Variants in NAALADL2 observed in about 807,000 individuals in gnomAD.
NAALADL2 encodes inactive N-acetylated-alpha-linked acidic dipeptidase-like protein 2.
Under a neutral mutation model 87.2 loss-of-function variants are expected in NAALADL2, and 76 were observed. The ratio of observed to expected loss-of-function variants is 0.87; its 90% CI spans 0.72 to 1.05. The LOEUF (loss-of-function observed/expected upper bound fraction) is 1.05, where lower values mean the gene tolerates loss of function less well. NAALADL2 is among the 50% of genes least tolerant of loss of function. The pLI is 0.00. For missense variants in NAALADL2, 1,089 were observed against 945.8 expected (o/e 1.15, Z -1.99); for synonymous variants, 354 against 331.0 (o/e 1.07, Z -0.75).
intron 2 of NAALADL2, among the ~76,000 whole-genome samples, chr3:174,568,835 A>T (rs923651909): frequency 3.3e-5 from 5 of 151,386 alleles, no homozygotes; most frequent in East Asian, 1.9e-4. Flanking sequence ...TTCTTTTTTT[A>T]AAATTATTAT....
chr3:174,836,283 C>T lies in NAALADL2; in HGVS notation c.-9+98537C>T, dbSNP rs746264101. On this transcript the variant is annotated intron_variant, in intron 3 of 3. Transcript: ENST00000434257. ...CACTTACATAGGTACCTAGATTAGT[C>T]AAATTTATAGAGATAGAGAGTAGAA... is the stretch of plus-strand genomic sequence containing the variant. Among the ~76,000 whole-genome samples the T allele has an allele frequency of 6.0e-4, 91 of 151,946 alleles. 1 individual carries two copies. Among genetic ancestry groups the T allele is most frequent in the Non-Finnish European group, 1.5e-4 (10 of 68,006 alleles).
intron 5 of NAALADL2, among the ~76,000 whole-genome samples, chr3:175,356,402 C>T (rs1170337646): frequency 6.6e-6 from 1 of 151,724 alleles, no homozygotes. Context: ...AGTGAGACCT[C>T]ATTTCTACAA....
intron 3 of NAALADL2, among the ~76,000 whole-genome samples, chr3:175,252,016 T>C (rs1188209370): frequency 6.6e-6 from 1 of 152,174 alleles, no homozygotes; most frequent in Non-Finnish European, 1.5e-5. Flanking sequence ...AGAAGATGAG[T>C]TGAAGAGCTA....
At chr3:175,472,832 C>A (rs1037727396) in intron 9 of NAALADL2, among the ~76,000 whole-genome samples, 6 of 152,120 alleles carry the variant, frequency 3.9e-5, no homozygotes, top group Non-Finnish European at 8.8e-5. Context: ...AAGTTAATTT[C>A]TCCTGCTCTG....
chr3:174,758,734 C>A (rs1712475318), intron 3 of NAALADL2, among the ~76,000 whole-genome samples: 1 of 152,168 alleles, frequency 6.6e-6, no homozygotes, highest in South Asian at 2.1e-4. Flanking sequence ...GGAGATGTAC[C>A]AGTTTGTTGA....
At chr3:175,323,487 A>G (rs1055120981) in intron 4 of NAALADL2, among the ~76,000 whole-genome samples, 8 of 151,956 alleles carry the variant, frequency 5.3e-5, no homozygotes, top group African/African-American at 1.9e-4. Context: ...TTAAAGTATA[A>G]TAATAATAAA....
At chr3:175,213,255 A>G (rs1200984402) in intron 2 of NAALADL2, among the ~76,000 whole-genome samples, 1 of 152,068 alleles carries the variant, frequency 6.6e-6, no homozygotes, top group African/African-American at 2.4e-5. Context: ...TCAGATTAGC[A>G]ATGAAAATAG....
intron 2 of NAALADL2, among the ~76,000 whole-genome samples, chr3:175,134,439 G>T (rs962782993): frequency 6.6e-6 from 1 of 151,140 alleles, no homozygotes; most frequent in South Asian, 2.1e-4. Context: ...TTTTGGGGGG[G>T]TCCTTTTTCA....
intron 2 of NAALADL2, among the ~76,000 whole-genome samples, chr3:175,227,093 A>G (rs192682637): frequency 2.6e-5 from 4 of 152,166 alleles, no homozygotes; most frequent in South Asian, 2.1e-4. Context: ...GTTAATAGGC[A>G]TTAATAAATG....
chr3:174,972,544 G>A (rs893518548), intron 1 of NAALADL2, among the ~76,000 whole-genome samples: 47 of 151,982 alleles, frequency 3.1e-4, no homozygotes, highest in African/African-American at 9.9e-4. Context: ...AACTGTATTA[G>A]GGCTCACCCT....
chr3:175,013,023 AATAT>A (rs1302758183), intron 1 of NAALADL2, among the ~76,000 whole-genome samples: 7 of 131,822 alleles, frequency 5.3e-5, no homozygotes, highest in Non-Finnish European at 1.1e-4. Flanking sequence ...ATAATATATA[AATAT>A]ATATAAATAT....
intron 2 of NAALADL2, among the ~76,000 whole-genome samples, chr3:174,722,558 C>T (rs996513749): frequency 2.0e-5 from 3 of 151,984 alleles, no homozygotes; most frequent in African/African-American, 4.8e-5. Flanking sequence ...AAAAATTAGC[C>T]GGGCGCTGTG....
chr3:175,293,289 A>G (rs984035217), intron 4 of NAALADL2, among the ~76,000 whole-genome samples: 3 of 152,178 alleles, frequency 2.0e-5, no homozygotes, highest in Non-Finnish European at 4.4e-5. Context: ...ACAAGGCTTT[A>G]GAGTAGCCAC....
At chr3:174,661,833 A>C (rs1181487569) in intron 2 of NAALADL2, among the ~76,000 whole-genome samples, 1 of 152,206 alleles carries the variant, frequency 6.6e-6, no homozygotes, top group African/African-American at 2.4e-5. Context: ...GCACGCACAC[A>C]CACACACACA....
chr3:174,838,564 G>A (rs1169859977), intron 3 of NAALADL2, among the ~76,000 whole-genome samples: 1 of 152,136 alleles, frequency 6.6e-6, no homozygotes, highest in African/African-American at 2.4e-5. Flanking sequence ...GTCGCTGTCT[G>A]CTGATAATAT....
At chr3:175,084,734 A>G (rs1282076171) in intron 1 of NAALADL2, among the ~76,000 whole-genome samples, 3 of 152,340 alleles carry the variant, frequency 2.0e-5, no homozygotes, top group South Asian at 2.1e-4. Context: ...AAGAATTATC[A>G]TAAGACTACA....
intron 2 of NAALADL2, among the ~76,000 whole-genome samples, chr3:174,586,422 C>A (rs139936719): frequency 6.6e-6 from 1 of 152,182 alleles, no homozygotes; most frequent in Non-Finnish European, 1.5e-5. Context: ...TGGACTCCTG[C>A]TAACTTCAGT....
chr3:175,439,672 A>AT (rs1719368727), intron 5 of NAALADL2, among the ~76,000 whole-genome samples: 2 of 137,020 alleles, frequency 1.5e-5, no homozygotes, highest in African/African-American at 5.5e-5. Flanking sequence ...TTGTTAGCCT[A>AT]CTTTTTGATG....
At chr3:174,704,042 C>G (rs931372569) in intron 2 of NAALADL2, among the ~76,000 whole-genome samples, 2 of 152,132 alleles carry the variant, frequency 1.3e-5, no homozygotes, top group African/African-American at 4.8e-5. Context: ...GGTATGTGAT[C>G]CTAACAATAT....
Sources: gnomAD v4.1 joint callset for allele counts (sites outside exome capture counted in the v4.1 genomes callset) on GRCh38, gnomAD v4.1.1 for gene constraint, MANE v1.5 for transcripts, NCBI Gene and HGNC (gene_info 2026-07-23, HGNC 2026-07-21) for gene names.